Variants in USP38 observed in about 807,000 individuals in gnomAD.
The protein encoded by USP38 is ubiquitin carboxyl-terminal hydrolase 38.
USP38 carries 49 observed loss-of-function variants against 94.3 expected under a neutral mutation model. That is an observed-to-expected ratio of 0.52 (90% CI 0.41 to 0.66). The LOEUF is 0.66. Ranked by LOEUF, USP38 falls within the 30% of genes least tolerant of loss-of-function variation. USP38 has a pLI of 0.00. For missense variants in USP38, 1,128 were observed against 1,229.4 expected (o/e 0.92, Z 1.23); for synonymous variants, 468 against 463.6 (o/e 1.01, Z -0.12).
At chr4:143,209,681 A>T (rs756840481) in intron 7 of USP38, 24 bp downstream of exon 7, 2 of 1,444,548 alleles carry the variant, frequency 1.4e-6, no homozygotes, top group African/African-American at 2.9e-5. Flanking sequence ...TGTATATAGT[A>T]CGTTTATGTT....
chr4:143,212,163 A>C (rs1581167156), intron 7 of USP38, among the ~76,000 whole-genome samples, 155 bp from the exon 8 acceptor site: 1 of 152,298 alleles, frequency 6.6e-6, no homozygotes, highest in East Asian at 1.9e-4. Context: ...TTTCTAAATA[A>C]TTTTATCTGT....
At chr4:143,203,330 T>G in intron 4 of USP38, 78 bp from the exon 5 acceptor site, 1 of 1,395,866 alleles carries the variant, frequency 7.2e-7, no homozygotes, top group Non-Finnish European at 9.9e-7. Context: ...CATATATCGT[T>G]TGTGTTCTGT....
intron 2 of USP38, among the ~76,000 whole-genome samples, chr4:143,194,004 G>T (rs951962511): frequency 3.3e-5 from 5 of 152,160 alleles, no homozygotes; most frequent in Admixed American, 1.3e-4. Context: ...AGAGAGGGTC[G>T]CTTGAGCCTA....
intron 9 of USP38, among the ~76,000 whole-genome samples, chr4:143,219,424 G>T (rs975118869): frequency 5.3e-5 from 8 of 152,100 alleles, no homozygotes; most frequent in Admixed American, 3.9e-4. Context: ...TTGCCAGATG[G>T]AACAAAATCA....
chr4:143,198,936 C>T (rs1300328972), intron 4 of USP38, among the ~76,000 whole-genome samples: 2 of 152,152 alleles, frequency 1.3e-5, no homozygotes, highest in Non-Finnish European at 2.9e-5. Context: ...TCCTTGTCTT[C>T]AGGCACAATC....
rs1193836859 is a variant in USP38 at position 143,187,827 on chromosome 4, T to G, written c.684T>G (p.Asp228Glu). The change falls in exon 2 of 10, where the codon GAT becomes GAG. Residue 228 changes from aspartate (D) to glutamate (E), a missense_variant and splice_region_variant. Asp to Glu is a conservative substitution (Grantham distance 45). Coordinates refer to ENST00000307017, the MANE Select transcript of USP38 (RefSeq NM_032557.6). Reference protein sequence around the residue: ...QEVFASISSTDASFEPSVALA... With the variant: ...QEVFASISSTEASFEPSVALA... ...TTTTCTTTTTAATTGAAAAAACAGA[T>G]GCATCATTTGAACCTTCTGTAGCAT... 1 of 1,607,106 alleles carries G rather than the reference T, an allele frequency of 6.2e-7. No individual in the cohort carries two copies. Among genetic ancestry groups the G allele is most frequent in the East Asian group, 2.2e-5 (1 of 44,740 alleles).
intron 5 of USP38, among the ~76,000 whole-genome samples, chr4:143,205,325 C>A (rs1002015991): frequency 2.0e-5 from 3 of 152,174 alleles, no homozygotes; most frequent in African/African-American, 7.2e-5. Flanking sequence ...ATGCTAATAG[C>A]AATCCAGATA....
intron 2 of USP38, among the ~76,000 whole-genome samples, chr4:143,192,310 A>G (rs1731419092): frequency 6.6e-6 from 1 of 152,066 alleles, no homozygotes; most frequent in Non-Finnish European, 1.5e-5. Context: ...TGGGAAATCC[A>G]AGGTCACCAT....
Position 143,206,128 on chromosome 4 carries a change from A to G in USP38, c.1305A>G (p.Arg435=). ...QSNSLASCLS[R]LSGKSETGKT... Reference sequence around the variant, plus strand: ...ATTCTTTGGCGTCTTGCTTGTCTAGACTTTCTGGAAAATCTGAAACTGGGA... The same window carrying G: ...ATTCTTTGGCGTCTTGCTTGTCTAGGCTTTCTGGAAAATCTGAAACTGGGA... The change falls in exon 6 of 10, where the codon AGA becomes AGG. Residue 435 remains arginine (R), a synonymous_variant. Coordinates refer to ENST00000307017, the MANE Select transcript of USP38 (RefSeq NM_032557.6). 1.2e-5 allele frequency: 19 copies of G among 1,613,788 alleles called. No homozygotes were observed. The highest frequency in any genetic ancestry group is 1.6e-5 in the Non-Finnish European group (19 of 1,179,894).
intron 1 of USP38, among the ~76,000 whole-genome samples, chr4:143,186,660 C>G (rs1413914461): frequency 6.6e-6 from 1 of 151,924 alleles, no homozygotes; most frequent in Non-Finnish European, 1.5e-5. Flanking sequence ...ATCTAGTAGA[C>G]AAAGGAGGAA....
chr4:143,190,896 A>G (rs184757549), intron 2 of USP38, among the ~76,000 whole-genome samples: 153 of 152,236 alleles, frequency 1.0e-3, no homozygotes, highest in African/African-American at 3.6e-3. Context: ...CTTGGCATTC[A>G]GTGCTCTTAA....
At chr4:143,190,804 A>T (rs532699150) in intron 2 of USP38, among the ~76,000 whole-genome samples, 70 of 152,148 alleles carry the variant, frequency 4.6e-4, no homozygotes, top group African/African-American at 1.7e-3. Context: ...TATGTCAACC[A>T]TGTGGACTCC....
intron 6 of USP38, among the ~76,000 whole-genome samples, 161 bp from the exon 7 acceptor site, chr4:143,209,403 C>T (rs1255825792): frequency 6.6e-6 from 1 of 151,702 alleles, no homozygotes; most frequent in Non-Finnish European, 1.5e-5. Flanking sequence ...CTTTGGGAGG[C>T]CGAGGTGGGT....
rs759794139 is a variant in USP38, at chr4:143,209,558, T to C, written c.1404-6T>C. On this transcript the variant is annotated splice_region_variant and splice_polypyrimidine_tract_variant and intron_variant, in intron 6 of 9. Coordinates refer to ENST00000307017, the MANE Select transcript of USP38 (RefSeq NM_032557.6). The stretch of plus-strand genomic sequence containing the variant: ...CATATATATAAATCATTATATTCTC[T>C]TTCAGTTTCAGGAGACAAGTATTAT... 2.0e-6 allele frequency: 3 copies of C among 1,503,278 alleles called. No homozygotes were observed. Among genetic ancestry groups the C allele is most frequent in the Non-Finnish European group, 2.8e-6 (3 of 1,085,772 alleles). 93.1% of individuals were successfully genotyped at this position (1,503,278 alleles called of 1,614,324 possible). A position where few individuals can be genotyped will look rare whatever the true frequency, so the allele number is the denominator to read the frequency against.
intron 8 of USP38, among the ~76,000 whole-genome samples, chr4:143,212,942 AT>A (rs1414904349): frequency 6.6e-6 from 1 of 152,154 alleles, no homozygotes; most frequent in Admixed American, 6.6e-5. Context: ...AAATGTTAAT[AT>A]TTTATTTTCT....
chr4:143,189,018 T>C (rs1731313989), intron 2 of USP38, among the ~76,000 whole-genome samples: 1 of 151,902 alleles, frequency 6.6e-6, no homozygotes, highest in African/African-American at 2.4e-5. Flanking sequence ...TAGATAGTGA[T>C]ACATGTTTGA....
intron 1 of USP38, among the ~76,000 whole-genome samples, chr4:143,186,854 A>T (rs958241650): frequency 6.6e-6 from 1 of 152,220 alleles, no homozygotes; most frequent in African/African-American, 2.4e-5. Flanking sequence ...AGGTCTGAAT[A>T]GATTCAAAAT....
chr4:143,215,588 T>G (rs1359013249), intron 9 of USP38: 1 of 152,150 alleles, frequency 6.6e-6, no homozygotes, highest in Non-Finnish European at 1.5e-5. Flanking sequence ...GTATTTTTTT[T>G]TTGTTTTTGA....
intron 4 of USP38, among the ~76,000 whole-genome samples, chr4:143,203,126 G>A (rs1034223273): frequency 3.3e-5 from 5 of 151,894 alleles, no homozygotes; most frequent in Admixed American, 1.3e-4. Flanking sequence ...TCAGAATGGT[G>A]GCAATGACTA....
Sources: allele counts gnomAD v4.1 joint callset (sites outside exome capture counted in the v4.1 genomes callset), GRCh38; gene constraint gnomAD v4.1.1; transcripts MANE v1.5; gene names NCBI Gene and HGNC (gene_info 2026-07-23, HGNC 2026-07-21).